The following NCS1 variants were observed in gnomAD, a reference collection of about 807,000 sequenced individuals.
The protein encoded by NCS1 is neuronal calcium sensor 1, also known as frequenin homolog.
NCS1 carries 6 observed loss-of-function variants against 28.4 expected under a neutral mutation model. The ratio of observed to expected loss-of-function variants is 0.21; its 90% confidence interval spans 0.12 to 0.42. The LOEUF is 0.42. Among genes scored for constraint, NCS1 ranks in the 10% least tolerant of loss-of-function variants. NCS1 has a pLI of 1.00. For missense variants in NCS1, 131 were observed against 241.4 expected (o/e 0.54, Z 3.03); for synonymous variants, 86 against 99.3 (o/e 0.87, Z 0.79).
intron 1 of NCS1, among the ~76,000 whole-genome samples, chr9:130,197,599 C>T (rs997439242): frequency 1.1e-4 from 16 of 152,190 alleles, no homozygotes; most frequent in Non-Finnish European, 2.1e-4. Context: ...GCCAGAGCTC[C>T]CTGGCTGGCG....
At chr9:130,211,781 T>C (rs1588120210) in intron 2 of NCS1, among the ~76,000 whole-genome samples, 1 of 151,568 alleles carries the variant, frequency 6.6e-6, no homozygotes, top group South Asian at 2.1e-4. Context: ...GGTTTGGAGG[T>C]GAACTAGAAG....
chr9:130,227,937 C>T (rs545582551), intron 7 of NCS1, among the ~76,000 whole-genome samples: 4 of 152,178 alleles, frequency 2.6e-5, no homozygotes, highest in Admixed American at 2.0e-4. Flanking sequence ...GGATACTTGT[C>T]AGCCATTGGC....
At position 130,200,544 on chromosome 9, in the gene NCS1, G is replaced by T. The variant is rs370868843; in HGVS notation, c.65-414G>T. 6.4e-5 allele frequency: 100 copies of T among 1,551,194 alleles called. No homozygotes were observed. In the East Asian group the frequency reaches 2.2e-3, roughly 33 times the overall value. ...CCCACCCCCCCACATAGGTGGGGCA[G>T]CCGAGTGCCTGGGGAAGCCAGGGCC... On this transcript the variant is annotated intron_variant, in intron 1 of 7. Coordinates refer to ENST00000372398, the MANE Select transcript of NCS1 (RefSeq NM_014286.4).
At position 130,232,864 on chromosome 9, in the gene NCS1, T is replaced by G. The variant is rs961733442; in HGVS notation, c.*18-126T>G. 1 of 152,640 alleles carries G rather than the reference T, an allele frequency of 6.6e-6. No individual in the cohort carries two copies. Among genetic ancestry groups the G allele is most frequent in the East Asian group, 1.9e-4 (1 of 5,200 alleles). The allele number at this position is 152,640 out of a possible 1,614,324, so 9.5% of individuals were successfully genotyped here. A position where few individuals can be genotyped will look rare whatever the true frequency, so the allele number is the denominator to read the frequency against. On this transcript the variant is annotated intron_variant, in intron 7 of 7. Coordinates refer to ENST00000372398, the MANE Select transcript of NCS1 (RefSeq NM_014286.4). This position sits in a 1 kb window ranked among gnomAD's most constrained non-coding sequence, Gnocchi z 4.4. The stretch of plus-strand genomic sequence containing the variant: ...ATGCACATTTTTAGGACTTCTGACA[T>G]AGAATGCCAGCTTGCCATCTATCGA...
rs1343123498 is a variant in NCS1 at position 130,226,608 on chromosome 9, G to C, written c.*17+104G>C. 1.2e-6 allele frequency: 1 copy of C among 852,404 alleles called. No individual in the cohort carries two copies. The highest frequency in any genetic ancestry group is 1.9e-6 in the Non-Finnish European group (1 of 533,320). 52.8% of individuals were successfully genotyped at this position (852,404 alleles called of 1,614,324 possible). A position where few individuals can be genotyped will look rare whatever the true frequency, so the allele number is the denominator to read the frequency against. On this transcript the variant is annotated intron_variant, in intron 7 of 7. Transcript: ENST00000372398. The surrounding 1 kb of genome is among the most constrained non-coding windows in gnomAD (Gnocchi z 4.8). Reference sequence around the variant, plus strand: ...GCAGGTAATTACCTGGGTCTCTGGGGGTGTTGTGGTCAGCCTAGCAGGGAC... The same window carrying C: ...GCAGGTAATTACCTGGGTCTCTGGGCGTGTTGTGGTCAGCCTAGCAGGGAC...
At chr9:130,214,408 G>A (rs947921026) in intron 2 of NCS1, among the ~76,000 whole-genome samples, 1 of 152,310 alleles carries the variant, frequency 6.6e-6, no homozygotes, top group Admixed American at 6.5e-5. Flanking sequence ...AGAGAGAGGG[G>A]AATCAACTCC....
In NCS1 at chr9:130,181,329, C is replaced by A. The variant is rs1434218484; in HGVS notation, c.64+8602C>A. ...TAGGAATAACAGACGTTGAACTTGGCGGCTCATCTCGGCCCTCCTTTTGCT... is the reference window on the plus strand; with the variant it reads ...TAGGAATAACAGACGTTGAACTTGGAGGCTCATCTCGGCCCTCCTTTTGCT... On this transcript the variant is annotated intron_variant, in intron 1 of 7. Transcript: ENST00000372398. This position sits in a 1 kb window ranked among gnomAD's most constrained non-coding sequence, Gnocchi z 5.0. Among the ~76,000 whole-genome samples the A allele has an allele frequency of 6.6e-6, 1 of 152,132 alleles. No individual in the cohort carries two copies. Among genetic ancestry groups the A allele is most frequent in the South Asian group, 2.1e-4 (1 of 4,832 alleles).
chr9:130,190,383 CT>C (rs1258110772), intron 1 of NCS1, among the ~76,000 whole-genome samples: 2 of 152,190 alleles, frequency 1.3e-5, no homozygotes, highest in African/African-American at 4.8e-5. Flanking sequence ...ACATTTTCAA[CT>C]GGTTTCTTTC....
chr9:130,186,821 T>TGAGGGTGCTGATGGCGG lies in NCS1; in HGVS notation c.64+14100_65-14115dup, dbSNP rs1943958569. Among the ~76,000 whole-genome samples, 1 of 152,110 alleles carries TGAGGGTGCTGATGGCGG rather than the reference T, an allele frequency of 6.6e-6. No individual in the cohort carries two copies. Among genetic ancestry groups the TGAGGGTGCTGATGGCGG allele is most frequent in the Non-Finnish European group, 1.5e-5 (1 of 67,998 alleles). ...CTGCAGCATAGAGGGCCTGTGGCCGTGAGGGTGCTGATGGCGGGAGGGCCC... is the reference window on the plus strand; with the variant it reads ...CTGCAGCATAGAGGGCCTGTGGCCGTGAGGGTGCTGATGGCGGGAGGGTGCTGATGGCGGGAGGGCCC... On this transcript the variant is annotated intron_variant, in intron 1 of 7. Transcript: ENST00000372398. The surrounding 1 kb of genome is among the most constrained non-coding windows in gnomAD (Gnocchi z 4.1).
intron 1 of NCS1, among the ~76,000 whole-genome samples, chr9:130,196,620 T>G (rs1484308736): frequency 6.6e-6 from 1 of 152,112 alleles, no homozygotes. Flanking sequence ...GTGCCTGTAA[T>G]CTTGGCTACT....
At chr9:130,222,833 G>A (rs1430304793) in intron 5 of NCS1, 95 bp downstream of exon 5, 24 of 1,285,528 alleles carry the variant, frequency 1.9e-5, no homozygotes, top group Non-Finnish European at 2.6e-5. Context: ...CCATGCTCCT[G>A]CCCAGGGTGG....
In NCS1 at chr9:130,215,973, GGCA is replaced by G. The variant is rs782078367; in HGVS notation, c.90-1850_90-1848del. Among the ~76,000 whole-genome samples the G allele has an allele frequency of 3.9e-5, 6 of 152,098 alleles. No individual in the cohort carries two copies. Among genetic ancestry groups the G allele is most frequent in the Non-Finnish European group, 8.8e-5 (6 of 68,006 alleles). ...TCCTCCCCTCAACCGCCCTCACTCC[GGCA>G]GCAGCAGCCACAGTACTGGCAGGAG... On this transcript the variant is annotated intron_variant, in intron 2 of 7. Transcript: ENST00000372398. The surrounding 1 kb of genome is among the most constrained non-coding windows in gnomAD (Gnocchi z 4.2).
At chr9:130,176,712 G>T (rs1483596739) in intron 1 of NCS1, among the ~76,000 whole-genome samples, 1 of 152,222 alleles carries the variant, frequency 6.6e-6, no homozygotes, top group African/African-American at 2.4e-5. Flanking sequence ...TGTGAATTGT[G>T]AAGCTGCCCT....
At chr9:130,212,664 G>A (rs1833128484) in intron 2 of NCS1, among the ~76,000 whole-genome samples, 1 of 151,680 alleles carries the variant, frequency 6.6e-6, no homozygotes, top group Non-Finnish European at 1.5e-5. Flanking sequence ...AGGAGAGAGG[G>A]AGGGACTGGC....
At chr9:130,185,816 G>A (rs999176474) in intron 1 of NCS1, among the ~76,000 whole-genome samples, 16 of 152,262 alleles carry the variant, frequency 1.1e-4, no homozygotes, top group Non-Finnish European at 1.5e-4. Flanking sequence ...CCCCCTGCGC[G>A]CCCAGCAGCC....
chr9:130,200,210 G>C (rs1554907307), intron 1 of NCS1, among the ~76,000 whole-genome samples: 5 of 152,232 alleles, frequency 3.3e-5, no homozygotes. Flanking sequence ...GGTGGCCTTG[G>C]TGGTGGTTTG....
At position 130,223,074 on chromosome 9, in the gene NCS1, C is replaced by G; in HGVS notation, c.397-8C>G. ...CAGGGCCCACCCCCGCCTTGTCCGT[C>G]CCTGCAGGGGAATACCGTGGAGCTC... On this transcript the variant is annotated splice_region_variant and splice_polypyrimidine_tract_variant and intron_variant, in intron 5 of 7. Coordinates refer to ENST00000372398, the MANE Select transcript of NCS1 (RefSeq NM_014286.4). 6.2e-7 allele frequency: 1 copy of G among 1,613,488 alleles called. No individual in the cohort carries two copies. Among genetic ancestry groups the G allele is most frequent in the Non-Finnish European group, 8.5e-7 (1 of 1,179,532 alleles).
chr9:130,182,874 C>G (rs1160442076), intron 1 of NCS1, among the ~76,000 whole-genome samples: 1 of 152,236 alleles, frequency 6.6e-6, no homozygotes, highest in African/African-American at 2.4e-5. Flanking sequence ...TCGGAGGTAT[C>G]TGTCCGACAG....
At chr9:130,231,209 G>A (rs1274465079) in intron 7 of NCS1, among the ~76,000 whole-genome samples, 2 of 151,838 alleles carry the variant, frequency 1.3e-5, no homozygotes, top group African/African-American at 2.4e-5. Flanking sequence ...AAATTAGCTG[G>A]GTGTGGTGGC....
Sources: allele counts gnomAD v4.1 joint callset (sites outside exome capture counted in the v4.1 genomes callset), GRCh38; gene constraint gnomAD v4.1.1; non-coding constraint Gnocchi (gnomAD v3.1); transcripts MANE v1.5; gene names NCBI Gene and HGNC (gene_info 2026-07-23, HGNC 2026-07-21).